The following HSD17B12 variants were observed in gnomAD, a reference collection of about 807,000 sequenced individuals.
HSD17B12 encodes hydroxysteroid 17-beta dehydrogenase 12.
Under a neutral mutation model 39.3 loss-of-function variants are expected in HSD17B12, and 32 were observed. The observed-to-expected ratio is 0.81, with a 90% CI of 0.61 to 1.09. HSD17B12 has a LOEUF of 1.09. HSD17B12 is among the 50% of genes least tolerant of loss of function. The pLI is 0.00. For synonymous variants in HSD17B12, 150 were observed against 146.7 expected (o/e 1.02, Z -0.16); for missense variants, 342 against 382.9 (o/e 0.89, Z 0.89).
intron 4 of HSD17B12, among the ~76,000 whole-genome samples, chr11:43,809,405 A>C: frequency 6.6e-6 from 1 of 152,210 alleles, no homozygotes; most frequent in Non-Finnish European, 1.5e-5. Flanking sequence ...GTATTCTTTT[A>C]GCTCAAAAAT....
rs1554965319 is a variant in HSD17B12 at position 43,757,657 on chromosome 11, A to AC, written c.283+3536_283+3537insC. Among the ~76,000 whole-genome samples, 235 of 143,848 alleles carry AC rather than the reference A, an allele frequency of 1.6e-3. 4 individuals are homozygous for AC. Among genetic ancestry groups the AC allele is most frequent in the Non-Finnish European group, 1.8e-3 (121 of 65,856 alleles). 94.4% of individuals were successfully genotyped at this position (143,848 alleles called of 152,430 possible). A position where few individuals can be genotyped will look rare whatever the true frequency, so the allele number is the denominator to read the frequency against. ...TCCGTCTCAAAAAAAAAAAAAAAAA[A>AC]AAAAAAAAAACAAATAGGTAAAAAA... On this transcript the variant is annotated intron_variant, in intron 3 of 10. Transcript: ENST00000278353.
At chr11:43,734,732 CA>C (rs1352355460) in intron 1 of HSD17B12, among the ~76,000 whole-genome samples, 4 of 152,256 alleles carry the variant, frequency 2.6e-5, no homozygotes, top group East Asian at 1.9e-4. Context: ...CCCATCCCCC[CA>C]AAAAATGGGG....
rs542563610 is a variant in HSD17B12, at chr11:43,706,490, C to A, written c.160+25503C>A. ...CCTGGAAGGTGGAGGCTGCAGTGAG[C>A]CAAGATCACATCACTGCACTCTAGC... On this transcript the variant is annotated intron_variant, in intron 1 of 10. Coordinates refer to ENST00000278353, the MANE Select transcript of HSD17B12 (RefSeq NM_016142.3). Among the ~76,000 whole-genome samples the A allele has an allele frequency of 3.9e-5, 6 of 152,220 alleles. No individual in the cohort carries two copies. In the South Asian group the frequency reaches 1.2e-3, roughly 32 times the overall value.
the HSD17B12 span, among the ~76,000 whole-genome samples, chr11:43,580,070 G>GC: frequency 6.8e-6 from 1 of 146,240 alleles, no homozygotes; most frequent in Non-Finnish European, 1.5e-5. Context: ...TACTAATGGG[G>GC]GGGGGGAGGG....
rs770245587 is a variant in HSD17B12, at chr11:43,750,969, T to C, written c.207+12T>C. The C allele has an allele frequency of 3.2e-6, 5 of 1,551,714 alleles. No individual in the cohort carries two copies. The South Asian group carries it at 3.5e-5, about 11-fold the overall frequency. ...CATATGCAGAAGAGGTAGGTGATTTTCAAGATCTTTCCTTTTAATATAAAA... is the reference window on the plus strand; with the variant it reads ...CATATGCAGAAGAGGTAGGTGATTTCCAAGATCTTTCCTTTTAATATAAAA... On this transcript the variant is annotated intron_variant, in intron 2 of 10. Transcript: ENST00000278353.
the HSD17B12 span, chr11:43,579,145 A>C: frequency 1.4e-5 from 2 of 147,754 alleles, no homozygotes; most frequent in Non-Finnish European, 1.5e-5. Context: ...AACCGCTGCC[A>C]GGGGGGCATT....
intron 3 of HSD17B12, among the ~76,000 whole-genome samples, chr11:43,795,164 CT>C (rs1950905421): frequency 6.6e-6 from 1 of 152,092 alleles, no homozygotes; most frequent in African/African-American, 2.4e-5. Flanking sequence ...TTTGTCTTGT[CT>C]TCTGTTGGCA....
the HSD17B12 span, chr11:43,581,462 CA>C: frequency 5.8e-6 from 3 of 515,800 alleles, no homozygotes; most frequent in Non-Finnish European, 8.0e-6. The surrounding 1 kb of genome is among the most constrained non-coding windows in gnomAD (Gnocchi z 4.9). Flanking sequence ...GCCCTTACCC[CA>C]AAAAGCATTT....
chr11:43,587,327 C>A, the HSD17B12 span, among the ~76,000 whole-genome samples: 17 of 57,022 alleles, frequency 3.0e-4, no homozygotes, highest in East Asian at 6.3e-3. Context: ...AAAAAAAAAA[C>A]CAGGCATTTT....
intron 9 of HSD17B12, among the ~76,000 whole-genome samples, chr11:43,845,320 G>A (rs543249450): frequency 1.1e-4 from 17 of 152,300 alleles, no homozygotes; most frequent in Admixed American, 4.6e-4. Context: ...CACAATACCC[G>A]TATCAACTCA....
At chr11:43,651,485 A>G in the HSD17B12 span, among the ~76,000 whole-genome samples, 93 of 152,256 alleles carry the variant, frequency 6.1e-4, no homozygotes, top group Admixed American at 2.3e-3. Flanking sequence ...GTAAATTGGT[A>G]TGGCCATTAT....
intron 1 of HSD17B12, among the ~76,000 whole-genome samples, chr11:43,688,095 C>A (rs1253374256): frequency 6.6e-6 from 1 of 152,058 alleles, no homozygotes; most frequent in Non-Finnish European, 1.5e-5. Flanking sequence ...ACCTGTAGTC[C>A]CCGCTACTCG....
In HSD17B12 at chr11:43,854,783, T is replaced by C; in HGVS notation, c.753T>C (p.Ser251=). Residue 251 remains serine, a synonymous_variant, in exon 10 of 11, where the codon TCT becomes TCC. Transcript: ENST00000278353. ...GGAAGCCAACTTTGGATAAGCCCTC[T>C]CCGGAGACGTTTGTGAAGTCTGCAA... The part of the protein sequence containing the change: ...KIRKPTLDKP[S]PETFVKSAIK... The C allele has an allele frequency of 6.2e-7, 1 of 1,614,176 alleles. No individual in the cohort carries two copies. The highest frequency in any genetic ancestry group is 1.3e-5 in the African/African-American group (1 of 75,038).
chr11:43,719,243 C>T (rs1950154169), intron 1 of HSD17B12: 3 of 570,090 alleles, frequency 5.3e-6, no homozygotes, highest in African/African-American at 1.9e-5. Context: ...CATATACAGG[C>T]ATTGACATTG....
chr11:43,759,414 G>T (rs1950538046), intron 3 of HSD17B12, among the ~76,000 whole-genome samples: 1 of 152,146 alleles, frequency 6.6e-6, no homozygotes, highest in East Asian at 1.9e-4. Flanking sequence ...TGAAATTACA[G>T]TTCTTTGTAA....
chr11:43,568,055 T>C, the HSD17B12 span, among the ~76,000 whole-genome samples: 3 of 152,334 alleles, frequency 2.0e-5, no homozygotes, highest in Non-Finnish European at 4.4e-5. Context: ...CTAGGTCCTA[T>C]AGAATCTCAG....
At chr11:43,835,590 G>A (rs1951361603) in intron 7 of HSD17B12, among the ~76,000 whole-genome samples, 1 of 152,064 alleles carries the variant, frequency 6.6e-6, no homozygotes, top group Non-Finnish European at 1.5e-5. Flanking sequence ...ATTTGTAGAA[G>A]GGCTATTTTC....
intron 6 of HSD17B12, among the ~76,000 whole-genome samples, chr11:43,818,755 T>C (rs565960079): frequency 6.6e-6 from 1 of 152,286 alleles, no homozygotes; most frequent in African/African-American, 2.4e-5. Flanking sequence ...TTGATGCATT[T>C]AAAACATGGC....
At chr11:43,828,141 CTTT>C (rs551697407) in intron 6 of HSD17B12, among the ~76,000 whole-genome samples, 5 of 131,264 alleles carry the variant, frequency 3.8e-5, no homozygotes, top group Non-Finnish European at 4.9e-5. Flanking sequence ...TTGTCTACTT[CTTT>C]TTTTTTTTTT....
Sources: allele counts gnomAD v4.1 joint callset (sites outside exome capture counted in the v4.1 genomes callset), GRCh38; gene constraint gnomAD v4.1.1; non-coding constraint Gnocchi (gnomAD v3.1); transcripts MANE v1.5; gene names NCBI Gene and HGNC (gene_info 2026-07-23, HGNC 2026-07-21).